Variants in VPS13D observed in about 807,000 individuals in gnomAD.
VPS13D encodes the protein intermembrane lipid transfer protein VPS13D.
VPS13D carries 187 observed loss-of-function variants against 461.9 expected under a neutral mutation model. That is an observed-to-expected ratio of 0.40 (90% CI 0.36 to 0.46). The LOEUF is 0.46. Among genes scored for constraint, VPS13D ranks in the 20% least tolerant of loss-of-function variants. The pLI, the probability that VPS13D is intolerant of heterozygous loss-of-function variation, is 0.60. For synonymous variants in VPS13D, 1,951 were observed against 1,986.3 expected (o/e 0.98, Z 0.47); for missense variants, 4,711 against 5,364.9 (o/e 0.88, Z 3.81).
At chr1:12,478,535 T>A (rs1645666575) in intron 67 of VPS13D, 1 of 311,392 alleles carries the variant, frequency 3.2e-6, no homozygotes, top group African/African-American at 2.2e-5. Flanking sequence ...GAGTCGAGGC[T>A]GTCCTGTTTA....
At chr1:12,325,455 TC>T (rs1380647588) in intron 35 of VPS13D, among the ~76,000 whole-genome samples, 2 of 152,140 alleles carry the variant, frequency 1.3e-5, no homozygotes, top group Non-Finnish European at 2.9e-5. Context: ...AGACAGGGTT[TC>T]CCTTTTTTGT....
intron 1 of VPS13D, among the ~76,000 whole-genome samples, chr1:12,231,785 T>G (rs568064289): frequency 1.2e-3 from 184 of 152,300 alleles, no homozygotes; most frequent in Non-Finnish European, 7.6e-4. Context: ...GGTCAGGATT[T>G]CAGACCAGCC....
chr1:12,374,708 C>T (rs895993728), intron 55 of VPS13D, among the ~76,000 whole-genome samples: 2 of 152,108 alleles, frequency 1.3e-5, no homozygotes, highest in African/African-American at 4.8e-5. Context: ...TTATCTGTTA[C>T]TGTGTCAGTA....
Position 12,332,763 on chromosome 1 carries a change from G to A in VPS13D, c.8288-463G>A, listed in dbSNP as rs562327773. ...TATATGTTGTTTATATAGTTTTTGT[G>A]CATATTTTAAGAAAAAGAAAAAGTG... On this transcript the variant is annotated intron_variant, in intron 37 of 69. Transcript: ENST00000620676. Among the ~76,000 whole-genome samples, 4 of 152,170 alleles carry A rather than the reference G, an allele frequency of 2.6e-5. No individual in the cohort carries two copies. In the East Asian group the frequency reaches 7.7e-4, roughly 29 times the overall value.
intron 65 of VPS13D, chr1:12,453,769 T>G (rs1209955543): frequency 1.3e-5 from 2 of 152,316 alleles, no homozygotes; most frequent in African/African-American, 4.8e-5. Flanking sequence ...TTTGTGTTCT[T>G]CAGCAGTACC....
intron 39 of VPS13D, chr1:12,336,684 G>A (rs897690619): frequency 6.6e-6 from 1 of 152,210 alleles, no homozygotes; most frequent in African/African-American, 2.4e-5. Context: ...CTTTCTGTCT[G>A]CCTTGTACTT....
At chr1:12,341,721 G>A (rs1403500100) in intron 40 of VPS13D, 59 bp from the exon 41 acceptor site, 1 of 1,514,338 alleles carries the variant, frequency 6.6e-7, no homozygotes, top group Non-Finnish European at 9.1e-7. Flanking sequence ...CAGGTTGGGG[G>A]AGGGTCTCTG....
chr1:12,373,722 T>C, intron 54 of VPS13D, 28 bp from the exon 55 acceptor site: 1 of 1,267,654 alleles, frequency 7.9e-7, no homozygotes, highest in Non-Finnish European at 1.0e-6. Flanking sequence ...TATATTTTTA[T>C]GTAATATATA....
chr1:12,263,147 A>G (rs1177844629), intron 13 of VPS13D, among the ~76,000 whole-genome samples: 6 of 152,096 alleles, frequency 3.9e-5, no homozygotes, highest in Middle Eastern at 3.4e-3. Context: ...TAATACTCAT[A>G]TTTTTTTTGT....
At position 12,304,442 on chromosome 1, in the gene VPS13D, T is replaced by C. The variant is rs558250709; in HGVS notation, c.6217-64T>C. Reference sequence around the variant, plus strand: ...GACTTTGGAGATATTAAAGATAGAGTCCCACCACCAGTGCTGCCCCCTTCC... The same window carrying C: ...GACTTTGGAGATATTAAAGATAGAGCCCCACCACCAGTGCTGCCCCCTTCC... On this transcript the variant is annotated intron_variant, in intron 25 of 69. Transcript: ENST00000620676. 9 of 1,436,372 alleles carry C rather than the reference T, an allele frequency of 6.3e-6. No individual in the cohort carries two copies. In the South Asian group the frequency reaches 7.4e-5, roughly 12 times the overall value. The allele number at this position is 1,436,372 out of a possible 1,614,324, so 89.0% of individuals were successfully genotyped here.
Position 12,347,852 on chromosome 1 carries a change from A to G in VPS13D, c.9070-971A>G, listed in dbSNP as rs543971168. The stretch of plus-strand genomic sequence containing the variant: ...CTAACATGGGATTTTTCTACTTTTA[A>G]GAAAATTTCCTGTCACATGGTATTA... On this transcript the variant is annotated intron_variant, in intron 44 of 69. Coordinates refer to ENST00000620676, the MANE Select transcript of VPS13D (RefSeq NM_015378.4). Among the ~76,000 whole-genome samples, 64 of 152,340 alleles carry G rather than the reference A, an allele frequency of 4.2e-4. 1 individual carries two copies. In the South Asian group the frequency reaches 0.011, roughly 27 times the overall value.
intron 10 of VPS13D, 94 bp from the exon 11 acceptor site, chr1:12,260,599 T>G: frequency 9.8e-7 from 1 of 1,024,292 alleles, no homozygotes; most frequent in Non-Finnish European, 1.5e-6. Context: ...GAGGTTTCTG[T>G]GCTTTACTTT....
intron 48 of VPS13D, 81 bp downstream of exon 48, chr1:12,356,171 G>A: frequency 6.7e-7 from 1 of 1,492,038 alleles, no homozygotes; most frequent in Non-Finnish European, 9.0e-7. Flanking sequence ...ACTAAATGGA[G>A]CCAATGCAAA....
chr1:12,338,735 C>CG (rs943748524), intron 40 of VPS13D, among the ~76,000 whole-genome samples: 2 of 151,840 alleles, frequency 1.3e-5, no homozygotes, highest in Admixed American at 6.6e-5. Context: ...ATAGGGATAG[C>CG]GGAAAAAAAA....
At chr1:12,400,469 ATTGT>A in intron 61 of VPS13D, 139 bp downstream of exon 61, 1 of 1,090,146 alleles carries the variant, frequency 9.2e-7, no homozygotes, top group Non-Finnish European at 1.3e-6. Flanking sequence ...GACATAATAG[ATTGT>A]TTGGAGGAAT....
At chr1:12,306,713 C>A (rs958758893) in intron 26 of VPS13D, among the ~76,000 whole-genome samples, 4 of 152,130 alleles carry the variant, frequency 2.6e-5, no homozygotes, top group Non-Finnish European at 5.9e-5. Context: ...AGTCCCCAAC[C>A]TTTTTGGCAT....
chr1:12,438,066 C>T (rs908110864), intron 65 of VPS13D, among the ~76,000 whole-genome samples: 11 of 152,124 alleles, frequency 7.2e-5, no homozygotes, highest in African/African-American at 2.7e-4. Context: ...GTCTTCCCAC[C>T]CCCATCCCCT....
chr1:12,499,764 G>A, intron 68 of VPS13D: 1 of 985,410 alleles, frequency 1.0e-6, no homozygotes, highest in South Asian at 4.7e-5. Context: ...CAAGGAAGAA[G>A]CCATCAGGGA....
At chr1:12,369,940 A>G (rs758490336) in intron 54 of VPS13D, among the ~76,000 whole-genome samples, 13 of 152,200 alleles carry the variant, frequency 8.5e-5, no homozygotes, top group Non-Finnish European at 1.6e-4. Context: ...ATCTCTCCCA[A>G]GAATTCATTC....
Sources: allele counts gnomAD v4.1 joint callset (sites outside exome capture counted in the v4.1 genomes callset), GRCh38; gene constraint gnomAD v4.1.1; transcripts MANE v1.5; gene names NCBI Gene and HGNC (gene_info 2026-07-23, HGNC 2026-07-21).